Variants in TRAPPC9 observed in about 807,000 individuals in gnomAD.
TRAPPC9 encodes the protein IKK2 binding protein.
A neutral mutation model predicts 124.0 loss-of-function variants in TRAPPC9; 83 were observed. The ratio of observed to expected loss-of-function variants is 0.67; its 90% confidence interval spans 0.56 to 0.80. TRAPPC9 has a LOEUF of 0.80. TRAPPC9 is among the 30% of genes least tolerant of loss of function. The probability of loss-of-function intolerance (pLI) is 0.00; values close to 1 mark genes in which losing one functional copy is unlikely to be tolerated. For missense variants in TRAPPC9, 1,302 were observed against 1,508.3 expected (o/e 0.86, Z 2.27); for synonymous variants, 638 against 617.5 (o/e 1.03, Z -0.49).
rs1463159487 is a variant in TRAPPC9 at position 139,907,949 on chromosome 8, A to T, written c.2964+2198T>A. ...TTTGTGAAGTGGAGTCACAGTTTTC[A>T]TCTGCAAGACGGGAAGACAGGATAA... On this transcript the variant is annotated intron_variant, in intron 20 of 22. Transcript: ENST00000438773. This position sits in a 1 kb window ranked among gnomAD's most constrained non-coding sequence, Gnocchi z 4.7. 6.6e-6 allele frequency among the ~76,000 whole-genome samples: 1 copy of T among 152,166 alleles called. No homozygotes were observed. Among genetic ancestry groups the T allele is most frequent in the Non-Finnish European group, 1.5e-5 (1 of 68,018 alleles).
At chr8:139,862,162 C>T (rs991659666) in intron 21 of TRAPPC9, among the ~76,000 whole-genome samples, 3 of 152,268 alleles carry the variant, frequency 2.0e-5, no homozygotes, top group African/African-American at 4.8e-5. Flanking sequence ...TGAGCAAAAA[C>T]GGCTCTGCTG....
intron 21 of TRAPPC9, among the ~76,000 whole-genome samples, chr8:139,861,957 C>G (rs1396793060): frequency 6.6e-6 from 1 of 152,052 alleles, no homozygotes; most frequent in Non-Finnish European, 1.5e-5. Context: ...GTGTTTTTAT[C>G]ATTCCATTCT....
intron 21 of TRAPPC9, among the ~76,000 whole-genome samples, chr8:139,795,782 G>A (rs936071384): frequency 6.6e-6 from 1 of 152,120 alleles, no homozygotes. Flanking sequence ...GCGGACCTCT[G>A]GGACAGAAAA....
chr8:139,858,026 C>T (rs1009091060), intron 21 of TRAPPC9, among the ~76,000 whole-genome samples: 2 of 152,212 alleles, frequency 1.3e-5, no homozygotes, highest in African/African-American at 4.8e-5. Flanking sequence ...GGGAGAACTG[C>T]TTCCAAAAAG....
chr8:140,075,968 G>C (rs75400023), intron 17 of TRAPPC9, among the ~76,000 whole-genome samples: 9 of 152,182 alleles, frequency 5.9e-5, no homozygotes, highest in Non-Finnish European at 1.2e-4. Flanking sequence ...CTAATGCAAC[G>C]ATAACGAGAA....
At chr8:139,903,350 G>C (rs1831138902) in intron 20 of TRAPPC9, among the ~76,000 whole-genome samples, 2 of 152,082 alleles carry the variant, frequency 1.3e-5, no homozygotes, top group African/African-American at 4.8e-5. Context: ...GCGCCTGGTG[G>C]GAAGAGATTG....
chr8:139,761,464 G>T (rs907681585), intron 21 of TRAPPC9, among the ~76,000 whole-genome samples: 3 of 152,190 alleles, frequency 2.0e-5, no homozygotes, highest in African/African-American at 7.2e-5. Flanking sequence ...TTCTGGGCGG[G>T]AAAGTGATGA....
chr8:140,157,013 G>A (rs75502715), intron 17 of TRAPPC9, among the ~76,000 whole-genome samples: 8,425 of 20,914 alleles, frequency 0.4, 941 homozygotes, highest in African/African-American at 0.42. Flanking sequence ...TTTCCATTCA[G>A]AAGCCTCCCT....
At chr8:140,446,691 ACTACAGGCACATGACACCACG>A (rs1220491409) in intron 2 of TRAPPC9, among the ~76,000 whole-genome samples, 1 of 152,114 alleles carries the variant, frequency 6.6e-6, no homozygotes, top group Admixed American at 6.6e-5. Context: ...GTAAGCTGGG[ACTACAGGCACATGACACCACG>A]CCCGGCTAAC....
intron 6 of TRAPPC9, among the ~76,000 whole-genome samples, chr8:140,403,397 C>T (rs1318628192): frequency 6.6e-6 from 1 of 151,314 alleles, no homozygotes; most frequent in Non-Finnish European, 1.5e-5. Flanking sequence ...CTGCTACACT[C>T]GAGCCTGGGC....
chr8:140,276,311 C>G (rs1320915021), intron 14 of TRAPPC9, among the ~76,000 whole-genome samples: 3 of 152,146 alleles, frequency 2.0e-5, no homozygotes, highest in African/African-American at 7.2e-5. Flanking sequence ...GAAGCTGTCC[C>G]ACAGACCCCT....
At chr8:140,166,430 G>A (rs1434606441) in intron 17 of TRAPPC9, among the ~76,000 whole-genome samples, 3 of 152,240 alleles carry the variant, frequency 2.0e-5, no homozygotes, top group Admixed American at 6.5e-5. Context: ...CGGGACCGGA[G>A]TGGACACATG....
At chr8:139,989,925 T>C (rs559932056) in intron 18 of TRAPPC9, among the ~76,000 whole-genome samples, 1 of 152,336 alleles carries the variant, frequency 6.6e-6, no homozygotes, top group East Asian at 1.9e-4. Flanking sequence ...AAATGTCTGC[T>C]GAGCTCAGTG....
Position 139,971,381 on chromosome 8 carries a change from C to T in TRAPPC9, c.2810+17345G>A, listed in dbSNP as rs183397195. 2.7e-3 allele frequency among the ~76,000 whole-genome samples: 413 copies of T among 152,272 alleles called. 4 individuals are homozygous for T. Among genetic ancestry groups the T allele is most frequent in the Admixed American group, 4.8e-3 (74 of 15,308 alleles). ...AACCTCCTGGCCTGGCACAGGCAGTCCTCACTGGTGAGCAATCCCCACCCA... is the reference window on the plus strand; with the variant it reads ...AACCTCCTGGCCTGGCACAGGCAGTTCTCACTGGTGAGCAATCCCCACCCA... On this transcript the variant is annotated intron_variant, in intron 19 of 22. Coordinates refer to ENST00000438773, the MANE Select transcript of TRAPPC9 (RefSeq NM_001160372.4).
At chr8:139,820,138 G>T (rs2078704332) in intron 21 of TRAPPC9, among the ~76,000 whole-genome samples, 1 of 150,804 alleles carries the variant, frequency 6.6e-6, no homozygotes. Flanking sequence ...TTTCAGAAAA[G>T]AAAACTCTTA....
At chr8:140,179,819 G>A (rs927494676) in intron 17 of TRAPPC9, among the ~76,000 whole-genome samples, 5 of 151,848 alleles carry the variant, frequency 3.3e-5, no homozygotes, top group East Asian at 1.9e-4. Context: ...ATTACAAAAC[G>A]TCCCTCTTTA....
intron 19 of TRAPPC9, among the ~76,000 whole-genome samples, chr8:139,978,025 C>T (rs1028236924): frequency 6.6e-5 from 10 of 151,924 alleles, no homozygotes; most frequent in South Asian, 6.2e-4. Flanking sequence ...GAAAGAAGAC[C>T]GAAAAACAAG....
chr8:140,425,554 A>C (rs914166670), intron 5 of TRAPPC9, among the ~76,000 whole-genome samples: 2 of 152,222 alleles, frequency 1.3e-5, no homozygotes, highest in Non-Finnish European at 2.9e-5. Flanking sequence ...GATTTTTCTT[A>C]TAGCTCTAAG....
intron 21 of TRAPPC9, among the ~76,000 whole-genome samples, chr8:139,875,990 C>G (rs918460754): frequency 6.6e-6 from 1 of 152,280 alleles, no homozygotes; most frequent in Non-Finnish European, 1.5e-5. Flanking sequence ...ATCGGTGCGG[C>G]TGTCCTACTG....
Sources: gnomAD v4.1 joint callset for allele counts (sites outside exome capture counted in the v4.1 genomes callset) on GRCh38, gnomAD v4.1.1 for gene constraint, Gnocchi (gnomAD v3.1) non-coding constraint, MANE v1.5 for transcripts, NCBI Gene and HGNC (gene_info 2026-07-23, HGNC 2026-07-21) for gene names.